Variants in TBC1D14 observed in about 807,000 individuals in gnomAD.
TBC1D14 encodes the protein TBC1 domain family member 14, also known as TBC1 domain family, member 14.
In TBC1D14, 26 loss-of-function variants were observed where a neutral mutation model predicts 79.0. The observed-to-expected ratio is 0.33, with a 90% confidence interval of 0.24 to 0.46. The LOEUF (loss-of-function observed/expected upper bound fraction) is 0.46, where lower values mean the gene tolerates loss of function less well. TBC1D14 is among the 20% of genes least tolerant of loss of function. TBC1D14 has a pLI of 1.00. For synonymous variants in TBC1D14, 394 were observed against 349.9 expected (o/e 1.13, Z -1.40); for missense variants, 769 against 887.6 (o/e 0.87, Z 1.70).
intron 3 of TBC1D14, among the ~76,000 whole-genome samples, chr4:6,984,196 A>G (rs975937997): frequency 3.3e-5 from 5 of 152,178 alleles, no homozygotes; most frequent in African/African-American, 1.2e-4. Flanking sequence ...ATTTACAGTC[A>G]GTCGTGTGGA....
intron 5 of TBC1D14, among the ~76,000 whole-genome samples, chr4:6,997,665 TGTACA>T (rs1352804065): frequency 2.6e-5 from 4 of 152,132 alleles, no homozygotes; most frequent in Non-Finnish European, 4.4e-5. Flanking sequence ...GTGGTGTATA[TGTACA>T]GTGGAATATT....
chr4:6,943,989 G>A (rs1268084275), intron 2 of TBC1D14, among the ~76,000 whole-genome samples: 2 of 151,948 alleles, frequency 1.3e-5, no homozygotes, highest in Admixed American at 6.6e-5. Context: ...CGCGGGCACG[G>A]CACCCATCTG....
At chr4:6,987,719 C>G (rs956176289) in intron 3 of TBC1D14, among the ~76,000 whole-genome samples, 9 of 152,312 alleles carry the variant, frequency 5.9e-5, no homozygotes, top group Non-Finnish European at 1.0e-4. Context: ...TCAGAAGGGC[C>G]TCGCCTGCGA....
chr4:7,029,619 G>A (rs2108762126), intron 13 of TBC1D14, among the ~76,000 whole-genome samples: 1 of 152,364 alleles, frequency 6.6e-6, no homozygotes, highest in East Asian at 1.9e-4. Context: ...GAGGTCAGGA[G>A]TTCGAGACCA....
chr4:6,947,367 G>A (rs888070431), intron 2 of TBC1D14, among the ~76,000 whole-genome samples: 2 of 152,116 alleles, frequency 1.3e-5, no homozygotes, highest in South Asian at 2.1e-4. Flanking sequence ...CTGTGGTGGC[G>A]GGTGCCTGTA....
chr4:7,000,862 G>A (rs565687397), intron 6 of TBC1D14, among the ~76,000 whole-genome samples: 1 of 152,326 alleles, frequency 6.6e-6, no homozygotes, highest in South Asian at 2.1e-4. Context: ...CATCCTTCAT[G>A]TGCTCAGGTC....
intron 13 of TBC1D14, among the ~76,000 whole-genome samples, chr4:7,026,955 G>A (rs1722437782): frequency 2.0e-5 from 3 of 152,118 alleles, no homozygotes. Flanking sequence ...GCTCACGCCT[G>A]TAATCTCAAC....
chr4:7,020,778 G>A (rs928865211), intron 12 of TBC1D14, among the ~76,000 whole-genome samples: 2 of 152,148 alleles, frequency 1.3e-5, no homozygotes, highest in African/African-American at 4.8e-5. Context: ...TTGGCTCGCT[G>A]CAGCCTCCGC....
chr4:6,980,849 G>T (rs1476285869), intron 3 of TBC1D14, among the ~76,000 whole-genome samples: 1 of 151,554 alleles, frequency 6.6e-6, no homozygotes, highest in South Asian at 2.1e-4. Context: ...CCAAGTAGCT[G>T]GGACTACAGG....
intron 3 of TBC1D14, among the ~76,000 whole-genome samples, chr4:6,975,038 A>G (rs1229682264): frequency 6.6e-6 from 1 of 151,434 alleles, no homozygotes; most frequent in Non-Finnish European, 1.5e-5. Context: ...CAGCTTCCCA[A>G]GCAGCTGGGA....
chr4:6,990,032 C>T (rs1718327037), intron 3 of TBC1D14, among the ~76,000 whole-genome samples: 1 of 152,222 alleles, frequency 6.6e-6, no homozygotes, highest in South Asian at 2.1e-4. Context: ...ACTGACATAA[C>T]TAAGTGTAAA....
At chr4:6,941,287 G>A (rs1273706154) in intron 2 of TBC1D14, among the ~76,000 whole-genome samples, 1 of 147,534 alleles carries the variant, frequency 6.8e-6, no homozygotes, top group Admixed American at 7.0e-5. Context: ...CCAGGTTCTC[G>A]CGATTCTCCT....
At chr4:7,008,412 T>C (rs995270327) in intron 9 of TBC1D14, among the ~76,000 whole-genome samples, 4 of 152,212 alleles carry the variant, frequency 2.6e-5, no homozygotes, top group African/African-American at 9.6e-5. Context: ...TAAGGTCATT[T>C]ATTATTTTTT....
chr4:7,015,921 G>A (rs1374073789), intron 12 of TBC1D14, among the ~76,000 whole-genome samples: 1 of 152,244 alleles, frequency 6.6e-6, no homozygotes, highest in Non-Finnish European at 1.5e-5. Flanking sequence ...AGAAAGGCAC[G>A]TTCCACTAAA....
At chr4:6,982,474 G>A (rs974861777) in intron 3 of TBC1D14, among the ~76,000 whole-genome samples, 7 of 152,304 alleles carry the variant, frequency 4.6e-5, no homozygotes, top group Middle Eastern at 3.4e-3. Flanking sequence ...CACAAAGGAG[G>A]TTTTGAGAGT....
intron 2 of TBC1D14, among the ~76,000 whole-genome samples, chr4:6,943,992 C>T (rs1478035550): frequency 6.6e-6 from 1 of 151,760 alleles, no homozygotes; most frequent in Non-Finnish European, 1.5e-5. Context: ...GGGCACGGCA[C>T]CCATCTGCGG....
chr4:6,962,660 A>G (rs961946531), intron 2 of TBC1D14, among the ~76,000 whole-genome samples: 1 of 151,812 alleles, frequency 6.6e-6, no homozygotes, highest in Non-Finnish European at 1.5e-5. Flanking sequence ...GCCACCCCCC[A>G]GCTCTCAGCC....
At chr4:6,941,217 A>G (rs1450036169) in intron 2 of TBC1D14, among the ~76,000 whole-genome samples, 2 of 122,300 alleles carry the variant, frequency 1.6e-5, no homozygotes, top group East Asian at 4.5e-4. Context: ...ATGCGGTCTC[A>G]CTCTGTGGCC....
chr4:7,015,484 A>G lies in TBC1D14; in HGVS notation c.1757+927A>G, dbSNP rs375753152. The stretch of plus-strand genomic sequence containing the variant: ...GGTGATTTTGAGGTGCCTGCGGGAC[A>G]TGTGAGTACAGGCATCCTGAGACAG... On this transcript the variant is annotated intron_variant, in intron 12 of 13. Transcript: ENST00000409757. 3.9e-4 allele frequency among the ~76,000 whole-genome samples: 60 copies of G among 152,266 alleles called. 1 individual carries two copies. In the South Asian group the frequency reaches 0.011, roughly 29 times the overall value.
Sources: gnomAD v4.1 joint callset for allele counts (sites outside exome capture counted in the v4.1 genomes callset) on GRCh38, gnomAD v4.1.1 for gene constraint, MANE v1.5 for transcripts, NCBI Gene and HGNC (gene_info 2026-07-23, HGNC 2026-07-21) for gene names.